GPC6: variants seen among roughly 807,000 people sequenced by gnomAD.
GPC6 encodes glypican 6, also known as glypican-6.
GPC6 carries 14 observed loss-of-function variants against 55.2 expected under a neutral mutation model. That is an observed-to-expected ratio of 0.25 (90% CI 0.17 to 0.40). The LOEUF is 0.40. Ranked by LOEUF, GPC6 falls within the 10% of genes least tolerant of loss-of-function variation. The pLI is 1.00. For synonymous variants in GPC6, 278 were observed against 259.6 expected (o/e 1.07, Z -0.68); for missense variants, 641 against 708.5 (o/e 0.90, Z 1.08).
chr13:93,432,897 G>A (rs1877415082), intron 1 of GPC6, among the ~76,000 whole-genome samples: 1 of 151,706 alleles, frequency 6.6e-6, no homozygotes, highest in South Asian at 2.1e-4. Flanking sequence ...GTGTGAGAGA[G>A]TGAGAGGGAG....
chr13:93,833,440 C>A (rs1432066640), intron 3 of GPC6, among the ~76,000 whole-genome samples: 1 of 152,086 alleles, frequency 6.6e-6, no homozygotes, highest in African/African-American at 2.4e-5. Context: ...AAACCTGAAG[C>A]CTCTTTATGG....
intron 2 of GPC6, among the ~76,000 whole-genome samples, chr13:93,564,745 T>C (rs1875999899): frequency 6.6e-6 from 1 of 152,200 alleles, no homozygotes; most frequent in South Asian, 2.1e-4. Context: ...GTTAAGTATA[T>C]TTTGTACATG....
intron 1 of GPC6, among the ~76,000 whole-genome samples, chr13:93,486,876 T>G (rs2139348996): frequency 6.6e-6 from 1 of 150,848 alleles, no homozygotes; most frequent in Non-Finnish European, 1.5e-5. Context: ...ACCAGGGAGT[T>G]GGAGGTTGCA....
At chr13:93,336,928 T>A (rs1343868869) in intron 1 of GPC6, among the ~76,000 whole-genome samples, 3 of 152,178 alleles carry the variant, frequency 2.0e-5, no homozygotes, top group Non-Finnish European at 2.9e-5. Flanking sequence ...CATAAAATGT[T>A]CAAGCTGACA....
At chr13:94,358,863 G>A (rs1878924597) in intron 6 of GPC6, among the ~76,000 whole-genome samples, 1 of 152,170 alleles carries the variant, frequency 6.6e-6, no homozygotes, top group African/African-American at 2.4e-5. Context: ...TTTTAGGAAA[G>A]CCTGTTCTAA....
In GPC6 at chr13:93,547,174, CAAAAAA is replaced by C. The variant is rs55697128; in HGVS notation, c.319+1770_319+1775del. On this transcript the variant is annotated intron_variant, in intron 2 of 8. Transcript: ENST00000377047. ...TGAAACCCCATCTCTACTAAAAATA[CAAAAAA>C]AAAAAAAAAAAAAAAATTAGCTGGG... Among the ~76,000 whole-genome samples, 170 of 129,058 alleles carry C rather than the reference CAAAAAA, an allele frequency of 1.3e-3. 1 individual carries two copies. Among genetic ancestry groups the C allele is most frequent in the Middle Eastern group, 4.1e-3 (1 of 246 alleles). The allele number at this position is 129,058 out of a possible 152,430, so 84.7% of individuals were successfully genotyped here.
chr13:93,666,529 G>A (rs944913065), intron 2 of GPC6, among the ~76,000 whole-genome samples: 1 of 152,068 alleles, frequency 6.6e-6, no homozygotes, highest in Non-Finnish European at 1.5e-5. Flanking sequence ...TATATATAAA[G>A]CATCTAGCAC....
chr13:93,683,921 G>A (rs1027998660), intron 2 of GPC6, among the ~76,000 whole-genome samples: 2 of 152,070 alleles, frequency 1.3e-5, no homozygotes, highest in African/African-American at 4.8e-5. Context: ...CCTCTTCCAG[G>A]TTGCATGCTG....
intron 6 of GPC6, among the ~76,000 whole-genome samples, chr13:94,337,772 A>G (rs185414007): frequency 2.0e-5 from 3 of 152,156 alleles, no homozygotes; most frequent in African/African-American, 7.2e-5. Flanking sequence ...GTGTTTTTCA[A>G]AGTAATCAGA....
At chr13:93,541,363 T>G (rs1882292270) in intron 1 of GPC6, among the ~76,000 whole-genome samples, 1 of 133,156 alleles carries the variant, frequency 7.5e-6, no homozygotes, top group Non-Finnish European at 1.6e-5. Context: ...AACTCATCAT[T>G]TTTTATGGCT....
intron 1 of GPC6, among the ~76,000 whole-genome samples, chr13:93,287,433 T>C (rs1035813301): frequency 6.6e-6 from 1 of 152,198 alleles, no homozygotes; most frequent in African/African-American, 2.4e-5. Context: ...GCCTGGTGTC[T>C]GTTCTCACCC....
chr13:93,743,254 G>A lies in GPC6; in HGVS notation c.320-86900G>A, dbSNP rs529567145. On this transcript the variant is annotated intron_variant, in intron 2 of 8. Transcript: ENST00000377047. ...AGGTGTAGGTATCACAGACCATGGG[G>A]TAGAGGAGTTACACCAAAGCTATGG... Among the ~76,000 whole-genome samples, 29 of 152,232 alleles carry A rather than the reference G, an allele frequency of 1.9e-4. No homozygotes were observed. In the South Asian group the frequency reaches 5.8e-3, roughly 30 times the overall value.
At chr13:93,640,564 C>T (rs368252673) in intron 2 of GPC6, among the ~76,000 whole-genome samples, 24 of 152,116 alleles carry the variant, frequency 1.6e-4, no homozygotes, top group African/African-American at 5.8e-4. Context: ...TGATATAAAA[C>T]AGCTTGTAGG....
chr13:93,468,105 C>A (rs889061788), intron 1 of GPC6, among the ~76,000 whole-genome samples: 3 of 152,194 alleles, frequency 2.0e-5, no homozygotes, highest in African/African-American at 7.2e-5. Flanking sequence ...TGAATTTGGG[C>A]TTTGAATTTT....
At position 93,277,475 on chromosome 13, in the gene GPC6, A is replaced by T. The variant is rs143684849; in HGVS notation, c.160+49859A>T. Among the ~76,000 whole-genome samples, 27 of 152,314 alleles carry T rather than the reference A, an allele frequency of 1.8e-4. No homozygotes were observed. The East Asian group carries it at 4.8e-3, about 27-fold the overall frequency. On this transcript the variant is annotated intron_variant, in intron 1 of 8. Coordinates refer to ENST00000377047, the MANE Select transcript of GPC6 (RefSeq NM_005708.5). Reference sequence around the variant, plus strand: ...TGTGAGATTATATTGGAGGCATTAAAAGCTTATAATAAATGCTTTCACTTC... The same window carrying T: ...TGTGAGATTATATTGGAGGCATTAATAGCTTATAATAAATGCTTTCACTTC...
chr13:94,236,503 A>G (rs1471645217), intron 4 of GPC6, among the ~76,000 whole-genome samples: 1 of 152,162 alleles, frequency 6.6e-6, no homozygotes, highest in Non-Finnish European at 1.5e-5. Flanking sequence ...GAACATGTAG[A>G]GACATCAAGA....
intron 1 of GPC6, among the ~76,000 whole-genome samples, chr13:93,273,871 C>A (rs779860889): frequency 6.6e-6 from 1 of 151,572 alleles, no homozygotes; most frequent in Non-Finnish European, 1.5e-5. Context: ...TGTGGTGGTG[C>A]GATCTCGGCT....
intron 5 of GPC6, among the ~76,000 whole-genome samples, chr13:94,294,960 A>C (rs1333483418): frequency 6.6e-6 from 1 of 152,160 alleles, no homozygotes. Flanking sequence ...TTCCTAACAC[A>C]TTGTTTTACA....
chr13:93,371,106 A>AT (rs1435410601), intron 1 of GPC6, among the ~76,000 whole-genome samples: 1 of 152,138 alleles, frequency 6.6e-6, no homozygotes, highest in East Asian at 1.9e-4. Flanking sequence ...TTGTATTCTG[A>AT]TTTTGAAAAC....
Sources: allele counts gnomAD v4.1 joint callset (sites outside exome capture counted in the v4.1 genomes callset), GRCh38; gene constraint gnomAD v4.1.1; transcripts MANE v1.5; gene names NCBI Gene and HGNC (gene_info 2026-07-23, HGNC 2026-07-21).